NME8: variants seen among roughly 807,000 people sequenced by gnomAD.
NME8 encodes protein NME8.
NME8 carries 72 observed loss-of-function variants against 82.3 expected under a neutral mutation model. The ratio of observed to expected loss-of-function variants is 0.87; its 90% confidence interval spans 0.72 to 1.06. The LOEUF is 1.06. Among genes scored for constraint, NME8 ranks in the 50% least tolerant of loss-of-function variants. The pLI, the probability that NME8 is intolerant of heterozygous loss-of-function variation, is 0.00. For synonymous variants in NME8, 267 were observed against 228.5 expected, an observed-to-expected ratio of 1.17 and a Z score of -1.52; for missense variants, 712 against 685.4, an observed-to-expected ratio of 1.04 and a Z score of -0.43.
At chr7:37,882,031 G>A (rs533767199) in intron 12 of NME8, among the ~76,000 whole-genome samples, 172 of 152,304 alleles carry the variant, frequency 1.1e-3, no homozygotes, top group African/African-American at 4.0e-3. Flanking sequence ...GTTGGTGGTT[G>A]TGGCTTGATT....
Position 37,863,430 on chromosome 7 carries a change from A to C in NME8, c.422A>C (p.Glu141Ala). Residue 141 changes from glutamate (E) to alanine (A), a missense_variant, in exon 8 of 18, where the codon GAA (glutamate) becomes GCA (alanine). Coordinates refer to ENST00000199447, the MANE Select transcript of NME8 (RefSeq NM_016616.5). The stretch of plus-strand genomic sequence containing the variant: ...ATTCCATTAGTAGACTCAGATTCAG[A>C]AGTTAGTGAAGAATCACCATGTGAA... ...PEIPLVDSDSEVSEESPCESV... is the reference protein window; with the variant it reads ...PEIPLVDSDSAVSEESPCESV... 1 of 1,600,410 alleles carries C rather than the reference A, an allele frequency of 6.2e-7. No homozygotes were observed. The highest frequency in any genetic ancestry group is 1.7e-4 in the Middle Eastern group (1 of 6,030).
At chr7:37,883,505 G>A (rs1784995360) in intron 12 of NME8, among the ~76,000 whole-genome samples, 1 of 152,064 alleles carries the variant, frequency 6.6e-6, no homozygotes, top group Non-Finnish European at 1.5e-5. Flanking sequence ...TCTATTTCCT[G>A]TTTTTTGGCC....
At chr7:37,864,604 C>A (rs1375081682) in intron 9 of NME8, among the ~76,000 whole-genome samples, 183 bp downstream of exon 9, 2 of 152,106 alleles carry the variant, frequency 1.3e-5, no homozygotes, top group African/African-American at 4.8e-5. Context: ...ATGCATCCTT[C>A]TGTAAATGAT....
At chr7:37,857,474 C>G in intron 6 of NME8, 129 bp downstream of exon 6, 2 of 669,546 alleles carry the variant, frequency 3.0e-6, no homozygotes, top group Middle Eastern at 2.7e-4. Flanking sequence ...CTTATCTTTT[C>G]TTGACTATTT....
rs1187594571 is a variant in NME8 at position 37,888,374 on chromosome 7, C to T, written c.1345C>T (p.Pro449Ser). Residue 449 changes from proline to serine, a missense_variant, in exon 15 of 18, where the codon CCT becomes TCT. Physicochemically the swap from Pro to Ser is moderately conservative, Grantham distance 74. Coordinates refer to ENST00000199447, the MANE Select transcript of NME8 (RefSeq NM_016616.5). ...TAEREIQHFF[P>S]LQSTLGLIKP... is the part of the protein sequence containing the mutation. ...TGAAAGGGAAATACAGCATTTCTTT[C>T]CTCTTCAAAGCACTTTAGGCTTGAT... 1 of 1,613,400 alleles carries T rather than the reference C, an allele frequency of 6.2e-7. No homozygotes were observed. Among genetic ancestry groups the T allele is most frequent in the Non-Finnish European group, 8.5e-7 (1 of 1,179,602 alleles).
At chr7:37,853,747 T>G (rs1784470344) in intron 5 of NME8, among the ~76,000 whole-genome samples, 1 of 152,132 alleles carries the variant, frequency 6.6e-6, no homozygotes. Context: ...AACTTGAACA[T>G]GTAGGTCCAA....
chr7:37,857,423 A>G (rs979771654), intron 6 of NME8, 78 bp downstream of exon 6: 1 of 949,690 alleles, frequency 1.1e-6, no homozygotes, highest in Admixed American at 1.8e-5. Context: ...TAAAATTACC[A>G]TGAAATTGTT....
Position 37,863,345 on chromosome 7 carries a change from T to A in NME8, c.388-51T>A, listed in dbSNP as rs1404521926. ...AAAATTTCTAAAAACCCACTCACTA[T>A]CATATTAAAACATAACTGTGTTATC... is the stretch of plus-strand genomic sequence containing the variant. On this transcript the variant is annotated intron_variant, in intron 7 of 17. Coordinates refer to ENST00000199447, the MANE Select transcript of NME8 (RefSeq NM_016616.5). The A allele has an allele frequency of 2.8e-6, 3 of 1,082,074 alleles. No homozygotes were observed. In the Admixed American group the frequency reaches 5.1e-5, roughly 18 times the overall value. 67.0% of individuals were successfully genotyped at this position (1,082,074 alleles called of 1,614,324 possible).
intron 12 of NME8, among the ~76,000 whole-genome samples, chr7:37,881,213 G>A (rs374246412): frequency 2.6e-5 from 4 of 152,134 alleles, no homozygotes; most frequent in South Asian, 2.1e-4. Flanking sequence ...AGTAGTGAGA[G>A]GGAGTAGCTT....
intron 11 of NME8, among the ~76,000 whole-genome samples, chr7:37,875,384 T>G (rs953890093): frequency 1.3e-5 from 2 of 151,716 alleles, no homozygotes; most frequent in South Asian, 4.2e-4. Context: ...CAGCTTACTC[T>G]CAAATGGATC....
chr7:37,864,634 A>G (rs1253154522), intron 9 of NME8, among the ~76,000 whole-genome samples: 1 of 152,144 alleles, frequency 6.6e-6, no homozygotes, highest in African/African-American at 2.4e-5. Flanking sequence ...CCAGCATCCT[A>G]TGTAAATTTT....
intron 6 of NME8, among the ~76,000 whole-genome samples, chr7:37,858,735 C>G (rs1239681438): frequency 6.6e-6 from 1 of 152,074 alleles, no homozygotes; most frequent in Non-Finnish European, 1.5e-5. Flanking sequence ...ATTGTAGAGG[C>G]TGGAGCTCTG....
intron 15 of NME8, among the ~76,000 whole-genome samples, chr7:37,889,169 T>C (rs1255226243): frequency 1.3e-5 from 2 of 151,990 alleles, no homozygotes. Context: ...TATAGTTAAA[T>C]TATATTTTCC....
At chr7:37,855,230 T>C (rs1319284355) in intron 5 of NME8, among the ~76,000 whole-genome samples, 1 of 152,292 alleles carries the variant, frequency 6.6e-6, no homozygotes, top group South Asian at 2.1e-4. Flanking sequence ...AGTCTCTCAC[T>C]GGCAAGGTAC....
chr7:37,860,597 C>T (rs1784584710), intron 6 of NME8, among the ~76,000 whole-genome samples: 1 of 152,154 alleles, frequency 6.6e-6, no homozygotes, highest in Admixed American at 6.5e-5. Context: ...TAAATATTGA[C>T]TTTATCAGGC....
rs577872177 is a variant in NME8, at chr7:37,858,680, G to C, written c.270+1335G>C. On this transcript the variant is annotated intron_variant, in intron 6 of 17. Transcript: ENST00000199447. ...GAGGAGGCTTTAGCTGCACGTAGTG[G>C]GTAGGTGCATGGGAATGAGAGAAAA... 4.1e-4 allele frequency among the ~76,000 whole-genome samples: 63 copies of C among 152,222 alleles called. 1 individual carries two copies. The highest frequency in any genetic ancestry group is 3.4e-3 in the Middle Eastern group (1 of 294).
chr7:37,883,998 C>T (rs1320142254), intron 12 of NME8, among the ~76,000 whole-genome samples: 1 of 151,744 alleles, frequency 6.6e-6, no homozygotes, highest in Non-Finnish European at 1.5e-5. Context: ...CACACAATCA[C>T]TCACATTCAC....
Position 37,857,607 on chromosome 7 carries a change from G to A in NME8, c.270+262G>A, listed in dbSNP as rs2722355. On this transcript the variant is annotated intron_variant, in intron 6 of 17. Transcript: ENST00000199447. ...GTTTATCTTTACTAAGGAAATGATC[G>A]GAGATTTGCACAATAAATTTTTTAC... Among the ~76,000 whole-genome samples, 34,491 of 152,056 alleles carry A rather than the reference G, an allele frequency of 0.23. 3,934 individuals carry two copies. The highest frequency in any genetic ancestry group is 0.26 in the Middle Eastern group (75 of 294).
At chr7:37,878,362 T>C (rs935347695) in intron 12 of NME8, among the ~76,000 whole-genome samples, 2 of 152,190 alleles carry the variant, frequency 1.3e-5, no homozygotes, top group Non-Finnish European at 2.9e-5. Flanking sequence ...GCTAATATTT[T>C]GTTGAGAATT....
Sources: allele counts gnomAD v4.1 joint callset (sites outside exome capture counted in the v4.1 genomes callset), GRCh38; gene constraint gnomAD v4.1.1; transcripts MANE v1.5; gene names NCBI Gene and HGNC (gene_info 2026-07-23, HGNC 2026-07-21).